TTLL5: variants seen among roughly 807,000 people sequenced by gnomAD.
TTLL5 encodes the protein tubulin polyglutamylase TTLL5.
Under a neutral mutation model 168.4 loss-of-function variants are expected in TTLL5, and 132 were observed. The observed-to-expected ratio is 0.78, with a 90% CI of 0.68 to 0.91. The LOEUF is 0.91. Ranked by LOEUF, TTLL5 falls within the 40% of genes least tolerant of loss-of-function variation. The pLI is 0.00. For missense variants in TTLL5, 1,545 were observed against 1,581.5 expected, an observed-to-expected ratio of 0.98 and a Z score of 0.39; for synonymous variants, 546 against 558.6, an observed-to-expected ratio of 0.98 and a Z score of 0.32.
chr14:75,928,680 C>T (rs1311265763), intron 31 of TTLL5, among the ~76,000 whole-genome samples: 5 of 151,918 alleles, frequency 3.3e-5, no homozygotes, highest in East Asian at 3.9e-4. Flanking sequence ...AGGGAATATT[C>T]GAGCATTAAC....
At chr14:75,736,177 G>C (rs1184843170) in intron 15 of TTLL5, among the ~76,000 whole-genome samples, 2 of 152,018 alleles carry the variant, frequency 1.3e-5, no homozygotes, top group African/African-American at 2.4e-5. Flanking sequence ...GCTCTTTGAA[G>C]GCATAAGCAG....
intron 28 of TTLL5, among the ~76,000 whole-genome samples, chr14:75,832,388 C>T (rs776805667): frequency 6.6e-6 from 1 of 152,188 alleles, no homozygotes; most frequent in East Asian, 1.9e-4. Flanking sequence ...CTCTGAACTC[C>T]ACTCTCGGAG....
chr14:75,781,873 T>C (rs1892072835), intron 24 of TTLL5, among the ~76,000 whole-genome samples: 1 of 150,710 alleles, frequency 6.6e-6, no homozygotes, highest in Non-Finnish European at 1.5e-5. Context: ...GGAGAATCGC[T>C]TGAACTGGGA....
At chr14:75,937,481 T>C (rs1333880353) in intron 31 of TTLL5, among the ~76,000 whole-genome samples, 1 of 152,136 alleles carries the variant, frequency 6.6e-6, no homozygotes, top group Non-Finnish European at 1.5e-5. Context: ...TTTTTCTTCT[T>C]GCAGAACTTT....
chr14:75,889,274 G>A (rs2140046538), intron 30 of TTLL5, among the ~76,000 whole-genome samples: 1 of 152,202 alleles, frequency 6.6e-6, no homozygotes, highest in East Asian at 1.9e-4. Context: ...TAAAACTGAT[G>A]ACAGAAAAGA....
At chr14:75,751,642 G>A (rs1889960754) in intron 17 of TTLL5, among the ~76,000 whole-genome samples, 1 of 152,170 alleles carries the variant, frequency 6.6e-6, no homozygotes, top group Admixed American at 6.5e-5. Flanking sequence ...TTCACTGTGG[G>A]TAACTGAAAC....
intron 15 of TTLL5, chr14:75,737,599 G>A (rs1888989317): frequency 1.3e-6 from 2 of 1,535,480 alleles, no homozygotes; most frequent in South Asian, 1.2e-5. Context: ...GTCGTCAAAG[G>A]CCAAGCAGGT....
chr14:75,706,917 C>T (rs1886700795), intron 7 of TTLL5, 101 bp from the exon 8 acceptor site: 1 of 1,036,400 alleles, frequency 9.6e-7, no homozygotes. Context: ...TTTTAGTTTT[C>T]CACCTTACCA....
At chr14:75,803,697 G>C (rs933853661) in intron 27 of TTLL5, among the ~76,000 whole-genome samples, 2 of 152,156 alleles carry the variant, frequency 1.3e-5, no homozygotes, top group African/African-American at 4.8e-5. Context: ...CTTGCACCTG[G>C]GCTGGGGGCA....
chr14:75,872,215 A>G (rs1293258123), intron 29 of TTLL5, among the ~76,000 whole-genome samples: 3 of 152,210 alleles, frequency 2.0e-5, no homozygotes, highest in Non-Finnish European at 4.4e-5. Context: ...TTTTTTTTCA[A>G]ACTTTCCTTT....
chr14:75,842,908 G>A (rs909184149), intron 28 of TTLL5, among the ~76,000 whole-genome samples: 5 of 152,148 alleles, frequency 3.3e-5, no homozygotes, highest in Non-Finnish European at 5.9e-5. Flanking sequence ...AGCCTCAAAG[G>A]TGGTGTCCAC....
intron 7 of TTLL5, among the ~76,000 whole-genome samples, chr14:75,706,509 T>G (rs992975368): frequency 6.6e-6 from 1 of 152,222 alleles, no homozygotes; most frequent in African/African-American, 2.4e-5. Context: ...CAAATACCCT[T>G]AAGTGAATCA....
At chr14:75,710,563 A>G (rs1027416083) in intron 9 of TTLL5, 1 of 152,240 alleles carries the variant, frequency 6.6e-6, no homozygotes, top group African/African-American at 2.4e-5. Flanking sequence ...AGGTGAATAT[A>G]AAAGCTTTAT....
At chr14:75,880,969 A>G (rs191975504) in intron 29 of TTLL5, among the ~76,000 whole-genome samples, 1 of 152,242 alleles carries the variant, frequency 6.6e-6, no homozygotes, top group East Asian at 1.9e-4. Context: ...GCTGGAGTGC[A>G]GTGGTGCAGT....
intron 3 of TTLL5, among the ~76,000 whole-genome samples, chr14:75,671,162 T>C (rs1306738367): frequency 6.6e-6 from 1 of 152,260 alleles, no homozygotes; most frequent in African/African-American, 2.4e-5. Flanking sequence ...GAAGAGACTA[T>C]TCTTTTCCCC....
At chr14:75,810,714 G>A (rs1445458526) in intron 27 of TTLL5, among the ~76,000 whole-genome samples, 1 of 152,144 alleles carries the variant, frequency 6.6e-6, no homozygotes, top group African/African-American at 2.4e-5. Context: ...TAAATAAGAT[G>A]CATGAAATTT....
intron 31 of TTLL5, among the ~76,000 whole-genome samples, chr14:75,941,921 A>G (rs1076580): frequency 0.79 from 116,339 of 147,940 alleles, 45,801 homozygotes; most frequent in Admixed American, 0.84. Context: ...GGTGGCTCAC[A>G]CCTGTAATCC....
At chr14:75,879,726 C>T (rs1408744381) in intron 29 of TTLL5, among the ~76,000 whole-genome samples, 6 of 152,120 alleles carry the variant, frequency 3.9e-5, no homozygotes, top group African/African-American at 7.2e-5. Context: ...TACATTTGAC[C>T]GCAAGCCATG....
intron 28 of TTLL5, among the ~76,000 whole-genome samples, chr14:75,846,849 C>T (rs905990368): frequency 4.0e-5 from 6 of 151,502 alleles, no homozygotes; most frequent in Admixed American, 2.0e-4. Flanking sequence ...CCCTGTTGGC[C>T]TCCAGGCCAT....
Sources: allele counts gnomAD v4.1 joint callset (sites outside exome capture counted in the v4.1 genomes callset), GRCh38; gene constraint gnomAD v4.1.1; transcripts MANE v1.5; gene names NCBI Gene and HGNC (gene_info 2026-07-23, HGNC 2026-07-21).